Variants in TRPC6 observed in about 807,000 individuals in gnomAD.
TRPC6 encodes the protein short transient receptor potential channel 6.
TRPC6 carries 55 observed loss-of-function variants against 90.7 expected under a neutral mutation model. The observed-to-expected ratio is 0.61, with a 90% confidence interval of 0.49 to 0.76. The LOEUF (loss-of-function observed/expected upper bound fraction) is 0.76, where lower values mean the gene tolerates loss of function less well. Among genes scored for constraint, TRPC6 ranks in the 30% least tolerant of loss-of-function variants. The pLI, the probability that TRPC6 is intolerant of heterozygous loss-of-function variation, is 0.00. For missense variants in TRPC6, 989 were observed against 1,122.7 expected, an observed-to-expected ratio of 0.88 and a Z score of 1.70; for synonymous variants, 393 against 393.0, an observed-to-expected ratio of 1.00 and a Z score of 0.00.
chr11:101,500,210 C>CTTTTT (rs373591780), intron 2 of TRPC6, among the ~76,000 whole-genome samples: 2 of 137,710 alleles, frequency 1.5e-5, no homozygotes, highest in African/African-American at 2.8e-5. Flanking sequence ...TATTTTTTTT[C>CTTTTT]TTTCTTTTTT....
At chr11:101,554,514 A>G (rs1861519771) in intron 1 of TRPC6, among the ~76,000 whole-genome samples, 2 of 152,092 alleles carry the variant, frequency 1.3e-5, no homozygotes, top group Non-Finnish European at 2.9e-5. Context: ...ACATATATAT[A>G]AATTGGGAAT....
chr11:101,517,058 G>A (rs1401440288), intron 1 of TRPC6, among the ~76,000 whole-genome samples: 2 of 152,192 alleles, frequency 1.3e-5, no homozygotes, highest in Non-Finnish European at 2.9e-5. Context: ...GCCAGTAGCT[G>A]GAAAGCTACC....
intron 1 of TRPC6, among the ~76,000 whole-genome samples, chr11:101,575,638 A>T (rs942656254): frequency 2.0e-5 from 3 of 152,234 alleles, no homozygotes; most frequent in African/African-American, 7.2e-5. Context: ...CTTGCTGGAC[A>T]TAATCATATA....
At chr11:101,476,255 A>G in intron 6 of TRPC6, 46 bp downstream of exon 6, 2 of 1,546,496 alleles carry the variant, frequency 1.3e-6, no homozygotes, top group Non-Finnish European at 1.8e-6. Flanking sequence ...CTGTTTTACA[A>G]GAAAATTCTG....
intron 2 of TRPC6, among the ~76,000 whole-genome samples, chr11:101,499,749 AATATATAATGTGTATATATATAT>A (rs1860055473): frequency 1.3e-4 from 2 of 15,576 alleles, no homozygotes; most frequent in Non-Finnish European, 2.5e-4. Context: ...ATATATACAC[AATATATAATGTGTATATATATAT>A]ATACACAGTA....
At chr11:101,531,883 C>T (rs1295815474) in intron 1 of TRPC6, among the ~76,000 whole-genome samples, 1 of 152,186 alleles carries the variant, frequency 6.6e-6, no homozygotes, top group Non-Finnish European at 1.5e-5. Context: ...TAGAACCGCC[C>T]TAAGCATTCT....
intron 1 of TRPC6, among the ~76,000 whole-genome samples, chr11:101,558,723 A>G (rs1159620199): frequency 6.6e-6 from 1 of 152,026 alleles, no homozygotes. Flanking sequence ...CCTATGGTCA[A>G]ATGATTTTTG....
chr11:101,509,489 A>G (rs1187603485), intron 1 of TRPC6, among the ~76,000 whole-genome samples: 2 of 152,152 alleles, frequency 1.3e-5, no homozygotes, highest in Admixed American at 1.3e-4. Flanking sequence ...TTATTTTTTC[A>G]TCCAATACTA....
chr11:101,472,794 T>C (rs2136672276), intron 7 of TRPC6, among the ~76,000 whole-genome samples: 1 of 152,104 alleles, frequency 6.6e-6, no homozygotes, highest in South Asian at 2.1e-4. Context: ...TTCAATGCTT[T>C]AGGCCTAATT....
intron 1 of TRPC6, among the ~76,000 whole-genome samples, chr11:101,516,471 C>A (rs762927546): frequency 5.3e-5 from 8 of 152,190 alleles, no homozygotes; most frequent in Non-Finnish European, 1.0e-4. Context: ...TGAACCCCAA[C>A]GACCAACCAT....
At chr11:101,506,898 T>C (rs1860281132) in intron 1 of TRPC6, among the ~76,000 whole-genome samples, 1 of 152,056 alleles carries the variant, frequency 6.6e-6, no homozygotes, top group Non-Finnish European at 1.5e-5. Context: ...ATTTTAAATG[T>C]TATAACCACA....
intron 1 of TRPC6, among the ~76,000 whole-genome samples, chr11:101,514,979 G>A (rs1381180576): frequency 6.6e-6 from 1 of 152,200 alleles, no homozygotes; most frequent in African/African-American, 2.4e-5. Flanking sequence ...GTTACTACCT[G>A]TGTCATCCCT....
intron 10 of TRPC6, among the ~76,000 whole-genome samples, chr11:101,463,223 G>A (rs1859051270): frequency 6.6e-6 from 1 of 152,154 alleles, no homozygotes; most frequent in Non-Finnish European, 1.5e-5. Context: ...GTATTTTATT[G>A]AGGATTTTCT....
At chr11:101,569,650 G>T (rs903961867) in intron 1 of TRPC6, among the ~76,000 whole-genome samples, 2 of 152,086 alleles carry the variant, frequency 1.3e-5, no homozygotes, top group Non-Finnish European at 2.9e-5. Context: ...CAAAAGAATG[G>T]AAATCATAAC....
At chr11:101,518,557 A>C (rs896807370) in intron 1 of TRPC6, among the ~76,000 whole-genome samples, 2 of 152,208 alleles carry the variant, frequency 1.3e-5, no homozygotes, top group Non-Finnish European at 2.9e-5. Context: ...AATGCTGGTG[A>C]GGATGTGAAG....
chr11:101,551,586 A>AT (rs1861451630), intron 1 of TRPC6, among the ~76,000 whole-genome samples: 1 of 151,926 alleles, frequency 6.6e-6, no homozygotes, highest in African/African-American at 2.4e-5. Flanking sequence ...AAAGCTGCAC[A>AT]TTTTTTCTGT....
intron 2 of TRPC6, among the ~76,000 whole-genome samples, chr11:101,493,152 T>C (rs549633197): frequency 3.9e-5 from 6 of 152,354 alleles, no homozygotes; most frequent in South Asian, 4.1e-4. Context: ...GAAAGCCTAT[T>C]AGCAGGGGTG....
At chr11:101,537,157 T>C (rs535967806) in intron 1 of TRPC6, among the ~76,000 whole-genome samples, 3 of 152,322 alleles carry the variant, frequency 2.0e-5, no homozygotes, top group African/African-American at 7.2e-5. Context: ...AATTTTAAGA[T>C]AATATTCAAA....
chr11:101,456,853 A>G lies in TRPC6; in HGVS notation c.2485-1752T>C, dbSNP rs1838334380. On this transcript the variant is annotated intron_variant, in intron 10 of 12. Coordinates refer to ENST00000344327, the MANE Select transcript of TRPC6 (RefSeq NM_004621.6). ...GTATTAAATACCAAGTTTTGGATGCATATATAACATATTTTATTTTCAGAA... is the reference window on the plus strand; with the variant it reads ...GTATTAAATACCAAGTTTTGGATGCGTATATAACATATTTTATTTTCAGAA... 2.0e-5 allele frequency among the ~76,000 whole-genome samples: 3 copies of G among 152,314 alleles called. No homozygotes were observed. The South Asian group carries it at 6.2e-4, about 32-fold the overall frequency.
Sources: gnomAD v4.1 joint callset for allele counts (sites outside exome capture counted in the v4.1 genomes callset) on GRCh38, gnomAD v4.1.1 for gene constraint, MANE v1.5 for transcripts, NCBI Gene and HGNC (gene_info 2026-07-23, HGNC 2026-07-21) for gene names.